Variants in CACNB2 observed in about 807,000 individuals in gnomAD.
CACNB2 encodes calcium voltage-gated channel auxiliary subunit beta 2.
In CACNB2, 42 loss-of-function variants were observed where a neutral mutation model predicts 73.3. That is an observed-to-expected ratio of 0.57 (90% CI 0.45 to 0.74). The LOEUF (loss-of-function observed/expected upper bound fraction) is 0.74. Among genes scored for constraint, CACNB2 ranks in the 30% least tolerant of loss-of-function variants. The pLI, the probability that CACNB2 is intolerant of heterozygous loss-of-function variation, is 0.00. For missense variants in CACNB2, 940 were observed against 853.0 expected, an observed-to-expected ratio of 1.10 and a Z score of -1.27; for synonymous variants, 348 against 310.3, an observed-to-expected ratio of 1.12 and a Z score of -1.28.
At chr10:18,195,176 A>G (rs570844555) in intron 2 of CACNB2, among the ~76,000 whole-genome samples, 1 of 152,280 alleles carries the variant, frequency 6.6e-6, no homozygotes, top group Non-Finnish European at 1.5e-5. Flanking sequence ...CAGCTATTTT[A>G]GGCAGTCATT....
In CACNB2 at chr10:18,395,501, A is replaced by G. The variant is rs2043674605; in HGVS notation, c.214-6423A>G. 2.0e-5 allele frequency among the ~76,000 whole-genome samples: 3 copies of G among 152,196 alleles called. No individual in the cohort carries two copies. The South Asian group carries it at 6.2e-4, about 31-fold the overall frequency. On this transcript the variant is annotated intron_variant, in intron 2 of 13. Coordinates refer to ENST00000324631, the MANE Select transcript of CACNB2 (RefSeq NM_201596.3). ...ATTAAGTTTCATGACAGAAAGCTTT[A>G]ATCTTTTTTACAGCCCTGTTTTCAG...
intron 2 of CACNB2, among the ~76,000 whole-genome samples, chr10:18,266,513 A>G (rs182078088): frequency 1.4e-5 from 2 of 146,538 alleles, no homozygotes; most frequent in African/African-American, 5.3e-5. Context: ...TGTAGGTAGT[A>G]TAGTTTTTTT....
intron 2 of CACNB2, among the ~76,000 whole-genome samples, chr10:18,273,869 C>G (rs769458320): frequency 2.0e-5 from 3 of 152,198 alleles, no homozygotes; most frequent in Non-Finnish European, 4.4e-5. Flanking sequence ...CATACTCTTT[C>G]ATTCCTTTCA....
At chr10:18,387,768 T>C (rs2043296196) in intron 2 of CACNB2, among the ~76,000 whole-genome samples, 1 of 152,032 alleles carries the variant, frequency 6.6e-6, no homozygotes, top group East Asian at 1.9e-4. Context: ...CTCTTTTTTT[T>C]TTTTTAGCGA....
chr10:18,537,716 G>GCACTGAACCAAGATGAGC (rs2053738702), intron 12 of CACNB2, among the ~76,000 whole-genome samples: 1 of 152,068 alleles, frequency 6.6e-6, no homozygotes, highest in Non-Finnish European at 1.5e-5. Context: ...GGCCAAGGTT[G>GCACTGAACCAAGATGAGC]CACTGAACCA....
At chr10:18,454,787 T>G (rs1483833578) in intron 3 of CACNB2, among the ~76,000 whole-genome samples, 1 of 152,136 alleles carries the variant, frequency 6.6e-6, no homozygotes, top group East Asian at 1.9e-4. Context: ...GCCTGCAATC[T>G]CAGTATTTTG....
intron 3 of CACNB2, among the ~76,000 whole-genome samples, chr10:18,461,562 G>A (rs1039885913): frequency 6.6e-6 from 1 of 151,850 alleles, no homozygotes; most frequent in Non-Finnish European, 1.5e-5. Context: ...TCCACAGGTG[G>A]GGAGGGGGTG....
intron 6 of CACNB2, among the ~76,000 whole-genome samples, chr10:18,509,556 T>C (rs1390550047): frequency 1.3e-5 from 2 of 152,128 alleles, no homozygotes; most frequent in African/African-American, 4.8e-5. Context: ...CCCAGCACTT[T>C]GGGAGGCTGA....
intron 3 of CACNB2, among the ~76,000 whole-genome samples, chr10:18,445,305 G>A (rs535940204): frequency 2.0e-4 from 31 of 152,228 alleles, no homozygotes; most frequent in African/African-American, 5.5e-4. Flanking sequence ...CTTGAACTAC[G>A]GTGTTTATAA....
chr10:18,447,559 G>A (rs954071852), intron 3 of CACNB2, among the ~76,000 whole-genome samples: 1 of 152,208 alleles, frequency 6.6e-6, no homozygotes, highest in African/African-American at 2.4e-5. Context: ...GGACTTTGCA[G>A]AGTCAGGGAG....
intron 2 of CACNB2, among the ~76,000 whole-genome samples, chr10:18,372,155 C>T (rs546647735): frequency 1.1e-3 from 170 of 152,214 alleles, no homozygotes; most frequent in Non-Finnish European, 1.8e-3. Flanking sequence ...CTGTAGGTTG[C>T]CTGTTCACTC....
chr10:18,511,073 A>C (rs1382470882), intron 6 of CACNB2, among the ~76,000 whole-genome samples: 1 of 152,240 alleles, frequency 6.6e-6, no homozygotes, highest in Non-Finnish European at 1.5e-5. Flanking sequence ...TATAAAAGTC[A>C]GCACTGGATA....
chr10:18,537,259 A>AT (rs903189313), intron 12 of CACNB2, among the ~76,000 whole-genome samples: 1 of 151,754 alleles, frequency 6.6e-6, no homozygotes, highest in African/African-American at 2.4e-5. Context: ...AAGTGCTGGG[A>AT]TTACAGGCAT....
At chr10:18,336,191 C>A (rs2040998198) in intron 2 of CACNB2, among the ~76,000 whole-genome samples, 2 of 152,072 alleles carry the variant, frequency 1.3e-5, no homozygotes, top group African/African-American at 4.8e-5. Flanking sequence ...ATTAAAGGAG[C>A]CAGCATGGTT....
chr10:18,307,308 C>T (rs1414322244), intron 2 of CACNB2, among the ~76,000 whole-genome samples: 2 of 151,894 alleles, frequency 1.3e-5, no homozygotes, highest in Non-Finnish European at 2.9e-5. Flanking sequence ...CTAAAAATAC[C>T]AACATTAGCC....
intron 2 of CACNB2, among the ~76,000 whole-genome samples, chr10:18,157,290 T>C (rs979149207): frequency 1.3e-5 from 2 of 152,250 alleles, no homozygotes; most frequent in African/African-American, 4.8e-5. Flanking sequence ...GAAGCCAGGC[T>C]ACATGAGTCT....
intron 2 of CACNB2, chr10:18,400,832 T>C: frequency 6.9e-7 from 1 of 1,456,716 alleles, no homozygotes; most frequent in Non-Finnish European, 9.0e-7. Flanking sequence ...CAGCCCCTCC[T>C]GGAATGGGAA....
intron 3 of CACNB2, among the ~76,000 whole-genome samples, chr10:18,423,691 A>G (rs537975661): frequency 9.8e-5 from 15 of 152,324 alleles, no homozygotes; most frequent in Admixed American, 6.5e-4. Flanking sequence ...GGAAGAGAAT[A>G]TATAGTAACA....
chr10:18,519,376 G>T (rs766171139), intron 9 of CACNB2, among the ~76,000 whole-genome samples: 1 of 152,126 alleles, frequency 6.6e-6, no homozygotes, highest in Non-Finnish European at 1.5e-5. Flanking sequence ...CGCTCCCCCA[G>T]TGAACTTGCT....
Sources: allele counts gnomAD v4.1 joint callset (sites outside exome capture counted in the v4.1 genomes callset), GRCh38; gene constraint gnomAD v4.1.1; transcripts MANE v1.5; gene names NCBI Gene and HGNC (gene_info 2026-07-23, HGNC 2026-07-21).